Variants in PDE7B observed in about 807,000 individuals in gnomAD.
PDE7B encodes 3',5'-cyclic-AMP phosphodiesterase 7B.
A neutral mutation model predicts 56.2 loss-of-function variants in PDE7B; 29 were observed. The ratio of observed to expected loss-of-function variants is 0.52; its 90% CI spans 0.38 to 0.70. The LOEUF (loss-of-function observed/expected upper bound fraction) is 0.70, where lower values mean the gene tolerates loss of function less well. PDE7B is among the 30% of genes least tolerant of loss of function. PDE7B has a pLI of 0.00. For synonymous variants in PDE7B, 197 were observed against 196.9 expected, an observed-to-expected ratio of 1.00 and a Z score of 0.00; for missense variants, 490 against 565.0, an observed-to-expected ratio of 0.87 and a Z score of 1.35.
chr6:135,942,688 C>T (rs558813178), intron 1 of PDE7B, among the ~76,000 whole-genome samples: 1 of 152,204 alleles, frequency 6.6e-6, no homozygotes, highest in East Asian at 1.9e-4. Flanking sequence ...TATTGTTCTA[C>T]CCTCTGCTTC....
chr6:135,999,587 A>G (rs1469846751), intron 2 of PDE7B, among the ~76,000 whole-genome samples: 1 of 152,150 alleles, frequency 6.6e-6, no homozygotes, highest in African/African-American at 2.4e-5. Context: ...CACAAAAGAC[A>G]TGAACTCATT....
intron 2 of PDE7B, among the ~76,000 whole-genome samples, chr6:136,052,223 T>TA (rs1776642350): frequency 2.6e-5 from 4 of 152,274 alleles, no homozygotes; most frequent in African/African-American, 7.2e-5. Flanking sequence ...AGAGAAGAGT[T>TA]ACGCAAAGCA....
intron 2 of PDE7B, among the ~76,000 whole-genome samples, chr6:136,057,063 A>C (rs868208116): frequency 3.2e-4 from 48 of 152,340 alleles, no homozygotes; most frequent in Admixed American, 1.5e-3. Context: ...GGAAATAACC[A>C]AAGAAACTGC....
intron 2 of PDE7B, among the ~76,000 whole-genome samples, chr6:135,979,648 C>T (rs2128204054): frequency 6.6e-6 from 1 of 152,196 alleles, no homozygotes; most frequent in South Asian, 2.1e-4. Flanking sequence ...TATACACCAA[C>T]AACAGACAAA....
At chr6:136,054,464 A>C (rs1583853419) in intron 2 of PDE7B, among the ~76,000 whole-genome samples, 2 of 152,234 alleles carry the variant, frequency 1.3e-5, no homozygotes, top group South Asian at 2.1e-4. Context: ...GTAGACTTGT[A>C]GTATAGTTTG....
intron 8 of PDE7B, among the ~76,000 whole-genome samples, chr6:136,167,324 C>G (rs1778810782): frequency 6.6e-6 from 1 of 152,086 alleles, no homozygotes; most frequent in Non-Finnish European, 1.5e-5. Context: ...GTGTCCCCAC[C>G]CAAATCTCAT....
intron 3 of PDE7B, among the ~76,000 whole-genome samples, chr6:136,125,595 CAT>C (rs551540715): frequency 5.3e-5 from 8 of 150,654 alleles, no homozygotes; most frequent in African/African-American, 1.2e-4. Context: ...ATAAAGAATA[CAT>C]ATATATATAT....
At chr6:136,078,015 G>A (rs1399074763) in intron 2 of PDE7B, among the ~76,000 whole-genome samples, 1 of 152,202 alleles carries the variant, frequency 6.6e-6, no homozygotes, top group Non-Finnish European at 1.5e-5. Context: ...GTTCAGTTCA[G>A]TTGAATGTAA....
intron 2 of PDE7B, among the ~76,000 whole-genome samples, chr6:135,965,286 A>G (rs978099733): frequency 1.3e-5 from 2 of 152,182 alleles, no homozygotes; most frequent in Admixed American, 6.5e-5. Context: ...GAGAAGGTGA[A>G]CAAGGATCTG....
intron 2 of PDE7B, among the ~76,000 whole-genome samples, chr6:135,967,282 T>C (rs1187409750): frequency 6.6e-6 from 1 of 152,198 alleles, no homozygotes; most frequent in Non-Finnish European, 1.5e-5. Context: ...ACCCGCTATG[T>C]AACCCCAACT....
At chr6:136,008,315 G>A (rs951204904) in intron 2 of PDE7B, among the ~76,000 whole-genome samples, 3 of 152,122 alleles carry the variant, frequency 2.0e-5, no homozygotes, top group African/African-American at 7.2e-5. Flanking sequence ...TGTCTTTATA[G>A]CAGCATGTCT....
At chr6:135,970,708 C>T in intron 2 of PDE7B, among the ~76,000 whole-genome samples, 1 of 152,080 alleles carries the variant, frequency 6.6e-6, no homozygotes, top group African/African-American at 2.4e-5. Context: ...TTTTAGAGAT[C>T]ACATTTGCTT....
intron 2 of PDE7B, among the ~76,000 whole-genome samples, chr6:136,052,408 C>T (rs887187968): frequency 2.0e-5 from 3 of 152,152 alleles, no homozygotes; most frequent in African/African-American, 4.8e-5. Flanking sequence ...GGAGAATGTC[C>T]TCCTGAAGAG....
intron 2 of PDE7B, among the ~76,000 whole-genome samples, chr6:136,087,468 A>G (rs968980166): frequency 6.6e-6 from 1 of 152,238 alleles, no homozygotes; most frequent in Non-Finnish European, 1.5e-5. Flanking sequence ...TTATTATCAC[A>G]AAGTAAGAAG....
At chr6:135,870,282 T>C (rs1775351401) in intron 1 of PDE7B, among the ~76,000 whole-genome samples, 1 of 152,126 alleles carries the variant, frequency 6.6e-6, no homozygotes, top group Non-Finnish European at 1.5e-5. Context: ...TGATTCCAGA[T>C]TCTGGAGCTG....
At chr6:136,128,265 A>G (rs563614070) in intron 3 of PDE7B, among the ~76,000 whole-genome samples, 13 of 152,312 alleles carry the variant, frequency 8.5e-5, no homozygotes, top group Non-Finnish European at 1.3e-4. Flanking sequence ...CCTTAACAGA[A>G]AGCTGACAAT....
intron 1 of PDE7B, among the ~76,000 whole-genome samples, chr6:135,877,710 T>A (rs1375810443): frequency 6.6e-6 from 1 of 151,200 alleles, no homozygotes; most frequent in Non-Finnish European, 1.5e-5. Context: ...GCATTCCATA[T>A]TCTTTGGGAA....
Position 136,108,715 on chromosome 6 carries a change from A to G in PDE7B, c.83-16A>G, listed in dbSNP as rs773362449. The G allele has an allele frequency of 2.6e-6, 4 of 1,565,878 alleles. No homozygotes were observed. Among genetic ancestry groups the G allele is most frequent in the Non-Finnish European group, 3.5e-6 (4 of 1,136,306 alleles). On this transcript the variant is annotated splice_polypyrimidine_tract_variant and intron_variant, in intron 2 of 12. Coordinates refer to ENST00000308191, the MANE Select transcript of PDE7B (RefSeq NM_018945.4). Reference sequence around the variant, plus strand: ...GCAATGTTTTCAAGCCTTTGTTTGGATTTTCTGTTTTCTAGGAGATATACG... The same window carrying G: ...GCAATGTTTTCAAGCCTTTGTTTGGGTTTTCTGTTTTCTAGGAGATATACG...
chr6:135,981,055 C>A (rs1322140281), intron 2 of PDE7B, among the ~76,000 whole-genome samples: 1 of 148,924 alleles, frequency 6.7e-6, no homozygotes, highest in South Asian at 2.2e-4. Flanking sequence ...CAATGATAGA[C>A]TGGATTAAGA....
Sources: gnomAD v4.1 joint callset for allele counts (sites outside exome capture counted in the v4.1 genomes callset) on GRCh38, gnomAD v4.1.1 for gene constraint, MANE v1.5 for transcripts, NCBI Gene and HGNC (gene_info 2026-07-23, HGNC 2026-07-21) for gene names.